Variants in CRYBG1 observed in about 807,000 individuals in gnomAD.
The protein encoded by CRYBG1 is crystallin beta-gamma domain containing 1.
Under a neutral mutation model 189.2 loss-of-function variants are expected in CRYBG1, and 139 were observed. The observed-to-expected ratio is 0.73, with a 90% CI of 0.64 to 0.85. The LOEUF (loss-of-function observed/expected upper bound fraction) is 0.85. Ranked by LOEUF, CRYBG1 falls within the 40% of genes least tolerant of loss-of-function variation. The probability of loss-of-function intolerance (pLI) is 0.00; values close to 1 mark genes in which losing one functional copy is unlikely to be tolerated. For missense variants in CRYBG1, 2,611 were observed against 2,675.8 expected, an observed-to-expected ratio of 0.98 and a Z score of 0.53; for synonymous variants, 1,023 against 1,017.1, an observed-to-expected ratio of 1.01 and a Z score of -0.11.
chr6:106,504,710 A>G (rs1317771915), intron 2 of CRYBG1, among the ~76,000 whole-genome samples: 3 of 152,078 alleles, frequency 2.0e-5, no homozygotes, highest in Non-Finnish European at 4.4e-5. Flanking sequence ...ATCCCAATCA[A>G]TATCAGAAAG....
chr6:106,493,580 A>G (rs879108819), intron 2 of CRYBG1, among the ~76,000 whole-genome samples: 1 of 152,248 alleles, frequency 6.6e-6, no homozygotes, highest in Admixed American at 6.5e-5. Context: ...CAAGAGAAGG[A>G]AAGAAACCAA....
intron 1 of CRYBG1, among the ~76,000 whole-genome samples, chr6:106,432,256 C>T (rs1771339600): frequency 6.6e-6 from 1 of 152,204 alleles, no homozygotes; most frequent in Non-Finnish European, 1.5e-5. Flanking sequence ...TTCTGCATGA[C>T]TTTGCTCACT....
At chr6:106,518,252 A>G (rs2114535469) in intron 3 of CRYBG1, among the ~76,000 whole-genome samples, 1 of 152,350 alleles carries the variant, frequency 6.6e-6, no homozygotes, top group Admixed American at 6.5e-5. Context: ...AGTGATTTTT[A>G]AATATTATCC....
At chr6:106,554,919 C>T (rs1774497281) in intron 16 of CRYBG1, among the ~76,000 whole-genome samples, 1 of 152,150 alleles carries the variant, frequency 6.6e-6, no homozygotes, top group African/African-American at 2.4e-5. Context: ...GTAATCCCAG[C>T]ACTTTGGGAG....
chr6:106,535,679 C>T (rs576471917), intron 8 of CRYBG1, among the ~76,000 whole-genome samples: 68 of 151,946 alleles, frequency 4.5e-4, no homozygotes, highest in Admixed American at 7.2e-4. Flanking sequence ...CACATAAATG[C>T]GTTTGATTGT....
At chr6:106,407,449 A>T (rs1282065598) in intron 1 of CRYBG1, among the ~76,000 whole-genome samples, 1 of 152,074 alleles carries the variant, frequency 6.6e-6, no homozygotes, top group Non-Finnish European at 1.5e-5. Context: ...AGACTTTAAA[A>T]CCCCACTGTC....
In CRYBG1 at chr6:106,557,854, C is replaced by T. The variant is rs186860670; in HGVS notation, c.5716-632C>T. On this transcript the variant is annotated intron_variant, in intron 17 of 21. Transcript: ENST00000633556. ...CATAAGCTGCCAACTTTTCATTTTC[C>T]TGAACAGTGAACGTTTGTGCTGTTG... Among the ~76,000 whole-genome samples, 5 of 152,302 alleles carry T rather than the reference C, an allele frequency of 3.3e-5. No individual in the cohort carries two copies. In the East Asian group the frequency reaches 9.6e-4, roughly 29 times the overall value.
chr6:106,374,521 G>A (rs116841597), intron 1 of CRYBG1, among the ~76,000 whole-genome samples: 3,915 of 152,290 alleles, frequency 0.026, 96 homozygotes, highest in Non-Finnish European at 0.042. Context: ...TTGTGCCACT[G>A]CACTCCAGCC....
In CRYBG1 at chr6:106,512,805, C is replaced by G. The variant is rs1293141267; in HGVS notation, c.1688C>G (p.Ala563Gly). The change falls in exon 3 of 22, where the codon GCG becomes GGG. Residue 563 changes from alanine (A) to glycine (G), a missense_variant. Ala to Gly is a moderately conservative substitution (Grantham distance 60, BLOSUM62 0). Transcript: ENST00000633556. ...KGTAAESGEE[A>G]ARAIPRELPV... Reference sequence around the variant, plus strand: ...ACTGCGGCCGAGAGCGGGGAGGAGGCGGCGCGGGCCATCCCCCGCGAGCTC... The same window carrying G: ...ACTGCGGCCGAGAGCGGGGAGGAGGGGGCGCGGGCCATCCCCCGCGAGCTC... The G allele has an allele frequency of 6.4e-7, 1 of 1,574,220 alleles. No individual in the cohort carries two copies. Among genetic ancestry groups the G allele is most frequent in the Non-Finnish European group, 8.6e-7 (1 of 1,159,630 alleles).
intron 1 of CRYBG1, among the ~76,000 whole-genome samples, chr6:106,429,458 G>C (rs1219604215): frequency 6.6e-6 from 1 of 152,184 alleles, no homozygotes. Context: ...AAACACCATA[G>C]TTTAAATGCA....
intron 1 of CRYBG1, among the ~76,000 whole-genome samples, chr6:106,418,045 A>C (rs1771058255): frequency 6.6e-6 from 1 of 152,234 alleles, no homozygotes; most frequent in Non-Finnish European, 1.5e-5. Flanking sequence ...GTGGGTCCTG[A>C]GCTCTTGTCC....
At chr6:106,387,792 A>T (rs1310744097) in intron 1 of CRYBG1, among the ~76,000 whole-genome samples, 1 of 152,052 alleles carries the variant, frequency 6.6e-6, no homozygotes, top group Non-Finnish European at 1.5e-5. Flanking sequence ...AATTATGAAG[A>T]CCCATAAAAA....
chr6:106,430,463 C>T (rs561235005), intron 1 of CRYBG1, among the ~76,000 whole-genome samples: 5 of 152,112 alleles, frequency 3.3e-5, no homozygotes, highest in Non-Finnish European at 7.4e-5. Flanking sequence ...CAGCCTGCTT[C>T]GGTTATCTAT....
At chr6:106,415,025 G>A (rs187337951) in intron 1 of CRYBG1, among the ~76,000 whole-genome samples, 7 of 152,176 alleles carry the variant, frequency 4.6e-5, no homozygotes, top group East Asian at 3.9e-4. Flanking sequence ...TCACATAAAT[G>A]TGTCTTTAAT....
chr6:106,523,511 A>G (rs1473571940), intron 4 of CRYBG1, among the ~76,000 whole-genome samples: 5 of 152,110 alleles, frequency 3.3e-5, no homozygotes, highest in African/African-American at 4.8e-5. Flanking sequence ...GAAAAATAAA[A>G]TCTTTATACT....
At chr6:106,535,379 A>G (rs1041390455) in intron 8 of CRYBG1, among the ~76,000 whole-genome samples, 1 of 152,218 alleles carries the variant, frequency 6.6e-6, no homozygotes, top group Non-Finnish European at 1.5e-5. Flanking sequence ...GTGAACACCA[A>G]TGTACCATTC....
At chr6:106,488,430 G>C (rs950316475) in intron 2 of CRYBG1, among the ~76,000 whole-genome samples, 3 of 152,168 alleles carry the variant, frequency 2.0e-5, no homozygotes, top group African/African-American at 7.2e-5. Context: ...TGTCAAACCA[G>C]GGTTGGGTAA....
rs561730216 is a variant in CRYBG1 at position 106,498,723 on chromosome 6, A to G, written c.313-12707A>G. ...ATGACCATCTCTACTAAAAATACAA[A>G]ATTAGCCAGGCGTGATGGTGAGCAC... On this transcript the variant is annotated intron_variant, in intron 2 of 21. Coordinates refer to ENST00000633556, the MANE Select transcript of CRYBG1 (RefSeq NM_001371242.2). Among the ~76,000 whole-genome samples the G allele has an allele frequency of 8.5e-5, 13 of 152,130 alleles. No homozygotes were observed. In the East Asian group the frequency reaches 2.5e-3, roughly 29 times the overall value.
chr6:106,405,449 G>A (rs1770803265), intron 1 of CRYBG1, among the ~76,000 whole-genome samples: 1 of 152,216 alleles, frequency 6.6e-6, no homozygotes, highest in African/African-American at 2.4e-5. Flanking sequence ...GGGCGGCTGT[G>A]GGCGCAGCTT....
Sources: gnomAD v4.1 joint callset for allele counts (sites outside exome capture counted in the v4.1 genomes callset) on GRCh38, gnomAD v4.1.1 for gene constraint, MANE v1.5 for transcripts, NCBI Gene and HGNC (gene_info 2026-07-23, HGNC 2026-07-21) for gene names.